The following PPARGC1B variants were observed in gnomAD, a reference collection of about 807,000 sequenced individuals.
PPARGC1B encodes peroxisome proliferator-activated receptor gamma coactivator 1-beta.
Under a neutral mutation model 101.6 loss-of-function variants are expected in PPARGC1B, and 34 were observed. The ratio of observed to expected loss-of-function variants is 0.33; its 90% confidence interval spans 0.25 to 0.45. The LOEUF (loss-of-function observed/expected upper bound fraction) is 0.45. PPARGC1B is among the 20% of genes least tolerant of loss of function. The probability of loss-of-function intolerance (pLI) is 1.00; values close to 1 mark genes in which losing one functional copy is unlikely to be tolerated. For missense variants in PPARGC1B, 1,234 were observed against 1,317.6 expected (o/e 0.94, Z 0.98); for synonymous variants, 548 against 539.3 (o/e 1.02, Z -0.22).
At chr5:149,749,443 T>G (rs531345411) in intron 1 of PPARGC1B, among the ~76,000 whole-genome samples, 2 of 152,298 alleles carry the variant, frequency 1.3e-5, no homozygotes, top group East Asian at 1.9e-4. Flanking sequence ...AGAGAGATGT[T>G]TTTTGAATGG....
intron 1 of PPARGC1B, among the ~76,000 whole-genome samples, chr5:149,736,750 T>G (rs1396457519): frequency 3.3e-5 from 5 of 151,560 alleles, no homozygotes; most frequent in Non-Finnish European, 7.4e-5. Flanking sequence ...CCTCAGTACA[T>G]TTTTTTTTCT....
At chr5:149,773,802 CAGATGGG>C (rs1221515616) in intron 1 of PPARGC1B, among the ~76,000 whole-genome samples, 4 of 152,046 alleles carry the variant, frequency 2.6e-5, no homozygotes, top group African/African-American at 9.7e-5. Context: ...CCATCCCTCT[CAGATGGG>C]AGCTGAGTGC....
chr5:149,857,638 C>T (rs1259870880), downstream of PPARGC1B, among the ~76,000 whole-genome samples: 1 of 152,216 alleles, frequency 6.6e-6, no homozygotes, highest in Admixed American at 6.5e-5. Context: ...GACATCACCA[C>T]CTGCAAACAT....
chr5:149,832,874 C>T lies in PPARGC1B; in HGVS notation c.801C>T (p.Ser267=). 2.5e-6 allele frequency: 4 copies of T among 1,612,742 alleles called. No individual in the cohort carries two copies. Among genetic ancestry groups the T allele is most frequent in the Non-Finnish European group, 3.4e-6 (4 of 1,179,716 alleles). ...PQPAPASPRD[S]LALGRADPGA... ...CAGCTCCAGCCTCTCCCCGGGACTC[C>T]CTAGCTCTGGGCAGGGCAGACCCCG... The change falls in exon 5 of 12, where the codon TCC becomes TCT. Residue 267 remains serine (S), a synonymous_variant. Coordinates refer to ENST00000309241, the MANE Select transcript of PPARGC1B (RefSeq NM_133263.4). This position sits in a 1 kb window ranked among gnomAD's most constrained non-coding sequence, Gnocchi z 4.9.
In PPARGC1B at chr5:149,768,441, ATT is replaced by A. The variant is rs34427591; in HGVS notation, c.78+38040_78+38041del. Among the ~76,000 whole-genome samples, 277 of 127,466 alleles carry A rather than the reference ATT, an allele frequency of 2.2e-3. 2 individuals carry two copies. The highest frequency in any genetic ancestry group is 7.0e-3 in the African/African-American group (225 of 31,972). The allele number at this position is 127,466 out of a possible 152,430, so 83.6% of individuals were successfully genotyped here. A position where few individuals can be genotyped will look rare whatever the true frequency, so the allele number is the denominator to read the frequency against. On this transcript the variant is annotated intron_variant, in intron 1 of 11. Transcript: ENST00000309241. ...AGGCACGTGCCACCATGCCTGGCTA[ATT>A]TTTTTTTTTTTTTTTTTTGAGACAG...
At chr5:149,754,837 A>C (rs999497179) in intron 1 of PPARGC1B, among the ~76,000 whole-genome samples, 1 of 131,690 alleles carries the variant, frequency 7.6e-6, no homozygotes, top group Non-Finnish European at 1.5e-5. Flanking sequence ...GCTGGAGTGC[A>C]GTGGTGTGAT....
intron 1 of PPARGC1B, among the ~76,000 whole-genome samples, chr5:149,809,530 G>GA (rs1757764882): frequency 6.9e-6 from 1 of 145,366 alleles, no homozygotes; most frequent in African/African-American, 2.6e-5. Context: ...AGATAGATAA[G>GA]CAAGCAAGCA....
chr5:149,758,076 A>C (rs1208145371), intron 1 of PPARGC1B, among the ~76,000 whole-genome samples: 1 of 152,112 alleles, frequency 6.6e-6, no homozygotes, highest in Non-Finnish European at 1.5e-5. Context: ...CTCCAAACCC[A>C]CACAGAGCGC....
chr5:149,819,487 TG>T lies in PPARGC1B; in HGVS notation c.79-945del, dbSNP rs1185942499. 4.2e-3 allele frequency among the ~76,000 whole-genome samples: 625 copies of T among 150,582 alleles called. 4 individuals carry two copies. The highest frequency in any genetic ancestry group is 0.015 in the African/African-American group (602 of 41,348). The stretch of plus-strand genomic sequence containing the variant: ...TGATATGGGTGTTTGTTTGTTTGTT[TG>T]TTTTTGTTTTTTTTTGTTTGTTTTT... On this transcript the variant is annotated intron_variant, in intron 1 of 11. Transcript: ENST00000309241.
chr5:149,831,965 G>A (rs951016978), intron 4 of PPARGC1B, among the ~76,000 whole-genome samples: 4 of 152,142 alleles, frequency 2.6e-5, no homozygotes, highest in African/African-American at 4.8e-5. Flanking sequence ...ATGACTTTTA[G>A]TAAACTTATA....
At chr5:149,755,074 A>ATATATATAAT (rs1554132299) in intron 1 of PPARGC1B, among the ~76,000 whole-genome samples, 1 of 100,332 alleles carries the variant, frequency 1.0e-5, no homozygotes, top group African/African-American at 6.1e-5. Flanking sequence ...TATATATATA[A>ATATATATAAT]TTTTTTTTTC....
At chr5:149,737,965 G>A (rs1248821860) in intron 1 of PPARGC1B, among the ~76,000 whole-genome samples, 1 of 152,186 alleles carries the variant, frequency 6.6e-6, no homozygotes, top group East Asian at 1.9e-4. Context: ...CTACACTCCA[G>A]CTTGGGTGAC....
intron 11 of PPARGC1B, chr5:149,846,643 G>GAA (rs10690330): frequency 0.052 from 7,680 of 146,536 alleles, 506 homozygotes; most frequent in African/African-American, 0.15. Flanking sequence ...CAAAAGGAAA[G>GAA]AAAAAAAAAA....
intron 8 of PPARGC1B, among the ~76,000 whole-genome samples, chr5:149,839,071 A>T (rs1016374375): frequency 3.9e-5 from 6 of 152,192 alleles, no homozygotes; most frequent in Non-Finnish European, 7.3e-5. Flanking sequence ...GTGCACCTGG[A>T]GGTATCTGCT....
intron 1 of PPARGC1B, among the ~76,000 whole-genome samples, chr5:149,743,234 C>A (rs564357842): frequency 2.9e-4 from 44 of 150,830 alleles, no homozygotes; most frequent in African/African-American, 1.0e-3. Flanking sequence ...CGGCTCACTG[C>A]AACCTCTGCC....
chr5:149,774,230 C>T (rs569033955), intron 1 of PPARGC1B, among the ~76,000 whole-genome samples: 1 of 152,290 alleles, frequency 6.6e-6, no homozygotes, highest in Non-Finnish European at 1.5e-5. Flanking sequence ...CCCTGTTCCC[C>T]CCTAGTGAGG....
intron 1 of PPARGC1B, among the ~76,000 whole-genome samples, chr5:149,799,693 G>GTTGTTGTTGTTTT (rs752427488): frequency 2.6e-5 from 2 of 76,482 alleles, no homozygotes; most frequent in African/African-American, 1.1e-4. Context: ...GCTTGTTGTT[G>GTTGTTGTTGTTTT]TTTTTTTTTT....
At position 149,839,986 on chromosome 5, in the gene PPARGC1B, A is replaced by T. The variant is rs905659312; in HGVS notation, c.2619-55A>T. 111 of 1,552,736 alleles carry T rather than the reference A, an allele frequency of 7.1e-5. No individual in the cohort carries two copies. The Admixed American group carries it at 1.8e-3, about 26-fold the overall frequency. On this transcript the variant is annotated intron_variant, in intron 8 of 11. Transcript: ENST00000309241. ...TGCGTCCTGGAGCAGATCCGCCCCC[A>T]CCCCCATGGTATCTCCCGAGAGTGA...
intron 1 of PPARGC1B, among the ~76,000 whole-genome samples, chr5:149,763,419 T>C (rs750123033): frequency 4.5e-4 from 69 of 152,030 alleles, no homozygotes; most frequent in Non-Finnish European, 8.2e-4. Context: ...GAGTCTCTCA[T>C]TGAGGCCTCT....
Sources: gnomAD v4.1 joint callset for allele counts (sites outside exome capture counted in the v4.1 genomes callset) on GRCh38, gnomAD v4.1.1 for gene constraint, Gnocchi (gnomAD v3.1) non-coding constraint, MANE v1.5 for transcripts, NCBI Gene and HGNC (gene_info 2026-07-23, HGNC 2026-07-21) for gene names.